The following ANXA3 variants were observed in gnomAD, a reference collection of about 807,000 sequenced individuals.
ANXA3 encodes annexin A3.
Under a neutral mutation model 48.8 loss-of-function variants are expected in ANXA3, and 46 were observed. The ratio of observed to expected loss-of-function variants is 0.94; its 90% CI spans 0.74 to 1.21. The LOEUF (loss-of-function observed/expected upper bound fraction) is 1.21. Ranked by LOEUF, ANXA3 falls within the 50% of genes most tolerant of loss-of-function variation. ANXA3 has a pLI of 0.00. For missense variants in ANXA3, 383 were observed against 378.6 expected (o/e 1.01, Z -0.10); for synonymous variants, 128 against 134.7 (o/e 0.95, Z 0.35).
At chr4:78,586,040 G>A (rs1278036771) in intron 5 of ANXA3, among the ~76,000 whole-genome samples, 1 of 152,004 alleles carries the variant, frequency 6.6e-6, no homozygotes, top group East Asian at 1.9e-4. Context: ...TTATTCAATT[G>A]ATTTTCACAC....
At chr4:78,602,757 A>C (rs1723570660) in intron 11 of ANXA3, 1 of 152,310 alleles carries the variant, frequency 6.6e-6, no homozygotes, top group Non-Finnish European at 1.5e-5. Flanking sequence ...CCTTTCCTTC[A>C]TCTCGCCCAG....
At chr4:78,603,364 G>A (rs1250436347) in intron 11 of ANXA3, 1 of 152,098 alleles carries the variant, frequency 6.6e-6, no homozygotes, top group African/African-American at 2.4e-5. Context: ...TGCTCAGCTA[G>A]AAATTTTACA....
chr4:78,569,285 CTT>C (rs1178668329), intron 2 of ANXA3, among the ~76,000 whole-genome samples: 1 of 151,654 alleles, frequency 6.6e-6, no homozygotes, highest in Non-Finnish European at 1.5e-5. Context: ...TTTAAATAGA[CTT>C]TGCCAAGTAT....
At chr4:78,556,294 A>T (rs760823682) in intron 2 of ANXA3, among the ~76,000 whole-genome samples, 4 of 152,246 alleles carry the variant, frequency 2.6e-5, no homozygotes, top group Non-Finnish European at 5.9e-5. Context: ...GATCAGCTGT[A>T]TGTGAATTGA....
chr4:78,591,514 AG>A (rs773938331), intron 6 of ANXA3, 29 bp from the exon 7 acceptor site: 1 of 1,489,888 alleles, frequency 6.7e-7, no homozygotes, highest in Non-Finnish European at 9.3e-7. Context: ...CAGTTTGTCA[AG>A]GCTTAATTTC....
chr4:78,579,981 T>C (rs1488538758), intron 4 of ANXA3, among the ~76,000 whole-genome samples: 2 of 152,354 alleles, frequency 1.3e-5, no homozygotes, highest in East Asian at 1.9e-4. Context: ...GCTATACAGT[T>C]TATTTGTCCA....
chr4:78,571,796 A>G (rs1722846251), intron 2 of ANXA3, among the ~76,000 whole-genome samples: 2 of 152,152 alleles, frequency 1.3e-5, no homozygotes, highest in Non-Finnish European at 2.9e-5. Flanking sequence ...TTTTTTCTAT[A>G]TTATGGTCTT....
At chr4:78,586,191 A>G (rs1450850371) in intron 5 of ANXA3, 69 bp from the exon 6 acceptor site, 7 of 1,241,348 alleles carry the variant, frequency 5.6e-6, no homozygotes, top group African/African-American at 1.5e-5. Context: ...AAACAAGATA[A>G]TAAGACCAAA....
At chr4:78,581,536 G>A in intron 4 of ANXA3, among the ~76,000 whole-genome samples, 1 of 152,090 alleles carries the variant, frequency 6.6e-6, no homozygotes, top group East Asian at 1.9e-4. Flanking sequence ...GAGATGATGG[G>A]TATGCAATTA....
Position 78,610,227 on chromosome 4 carries a change from T to A in ANXA3, c.*112T>A, listed in dbSNP as rs1042515. The A allele has an allele frequency of 9.9e-6, 6 of 605,262 alleles. No homozygotes were observed. The highest frequency in any genetic ancestry group is 5.7e-5 in the East Asian group (2 of 34,946). 37.5% of individuals were successfully genotyped at this position (605,262 alleles called of 1,614,324 possible). On this transcript the variant is annotated 3_prime_UTR_variant, in exon 13 of 13. Coordinates refer to ENST00000264908, the MANE Select transcript of ANXA3 (RefSeq NM_005139.3). The stretch of plus-strand genomic sequence containing the variant: ...AAATATAAACAGCAACTTGTGTTCC[T>A]AACAGGAATTTTCATTGTTCTATAA...
At chr4:78,606,835 A>C (rs1041945758) in intron 12 of ANXA3, among the ~76,000 whole-genome samples, 32 of 152,258 alleles carry the variant, frequency 2.1e-4, no homozygotes, top group African/African-American at 7.2e-4. Flanking sequence ...GAACTTACTC[A>C]AAAAGGCAAT....
intron 2 of ANXA3, among the ~76,000 whole-genome samples, chr4:78,563,465 G>A (rs1722664614): frequency 6.6e-6 from 1 of 151,968 alleles, no homozygotes; most frequent in South Asian, 2.1e-4. Flanking sequence ...GGATCTCTGG[G>A]GGGTGATTAG....
At chr4:78,597,208 G>C (rs372028565) in intron 9 of ANXA3, 111 bp from the exon 10 acceptor site, 2 of 676,700 alleles carry the variant, frequency 3.0e-6, no homozygotes, top group Non-Finnish European at 5.0e-6. Context: ...GTTTAAAGAG[G>C]GAGTTTTTTA....
intron 4 of ANXA3, 112 bp from the exon 5 acceptor site, chr4:78,582,065 G>T: frequency 1.6e-6 from 1 of 637,794 alleles, no homozygotes. Context: ...TATTCCCTGT[G>T]GATGGACATG....
intron 6 of ANXA3, among the ~76,000 whole-genome samples, chr4:78,590,515 T>G (rs1434631062): frequency 6.6e-6 from 1 of 152,162 alleles, no homozygotes; most frequent in Non-Finnish European, 1.5e-5. Context: ...TTGAGAATGG[T>G]GCAGACAGTT....
chr4:78,584,804 A>G (rs1723139912), intron 5 of ANXA3, among the ~76,000 whole-genome samples: 1 of 152,264 alleles, frequency 6.6e-6, no homozygotes, highest in Non-Finnish European at 1.5e-5. Context: ...CCTGTGAAGG[A>G]TAAAGAGGCG....
intron 11 of ANXA3, chr4:78,603,145 T>C (rs1440274786): frequency 6.6e-6 from 1 of 152,242 alleles, no homozygotes; most frequent in Non-Finnish European, 1.5e-5. Context: ...TAAGCAATAG[T>C]TAATTTGCTT....
At chr4:78,598,241 C>A (rs1394617988) in intron 10 of ANXA3, among the ~76,000 whole-genome samples, 1 of 151,578 alleles carries the variant, frequency 6.6e-6, no homozygotes, top group Admixed American at 6.6e-5. Context: ...TGGTAATCCA[C>A]CATATTTGGT....
rs765469489 is a variant in ANXA3 at position 78,610,132 on chromosome 4, C to G, written c.*17C>G. ...GATGACTGAACCAAGAAGATAATCT[C>G]CAAAGGTCCACGATGGGCTTTCCCA... On this transcript the variant is annotated 3_prime_UTR_variant, in exon 13 of 13. Coordinates refer to ENST00000264908, the MANE Select transcript of ANXA3 (RefSeq NM_005139.3). 2 of 1,597,596 alleles carry G rather than the reference C, an allele frequency of 1.3e-6. No homozygotes were observed. The highest frequency in any genetic ancestry group is 1.7e-6 in the Non-Finnish European group (2 of 1,167,932).
Sources: allele counts gnomAD v4.1 joint callset (sites outside exome capture counted in the v4.1 genomes callset), GRCh38; gene constraint gnomAD v4.1.1; transcripts MANE v1.5; gene names NCBI Gene and HGNC (gene_info 2026-07-23, HGNC 2026-07-21).